Variants in RASEF observed in about 807,000 individuals in gnomAD.
RASEF encodes the protein ras and EF-hand domain-containing protein.
RASEF carries 68 observed loss-of-function variants against 90.1 expected under a neutral mutation model. That is an observed-to-expected ratio of 0.75 (90% CI 0.62 to 0.92). The LOEUF (loss-of-function observed/expected upper bound fraction) is 0.92, where lower values mean the gene tolerates loss of function less well. Among genes scored for constraint, RASEF ranks in the 40% least tolerant of loss-of-function variants. RASEF has a pLI of 0.00. For synonymous variants in RASEF, 331 were observed against 345.2 expected (o/e 0.96, Z 0.46); for missense variants, 949 against 937.2 (o/e 1.01, Z -0.16).
At chr9:83,214,903 C>G in the RASEF span, among the ~76,000 whole-genome samples, 6 of 151,970 alleles carry the variant, frequency 3.9e-5, no homozygotes, top group Non-Finnish European at 8.8e-5. Flanking sequence ...CAGCCCTAAA[C>G]AAGGATAGGC....
intron 1 of RASEF, among the ~76,000 whole-genome samples, chr9:83,044,614 T>C (rs1259641465): frequency 6.6e-6 from 1 of 152,190 alleles, no homozygotes; most frequent in Non-Finnish European, 1.5e-5. Flanking sequence ...TATAGGAATT[T>C]TTCCTGATTC....
the RASEF span, among the ~76,000 whole-genome samples, chr9:83,131,513 AGCT>A: frequency 1.3e-5 from 2 of 152,212 alleles, no homozygotes; most frequent in African/African-American, 4.8e-5. Context: ...AAAAATAGAA[AGCT>A]TATTGATAAG....
the RASEF span, among the ~76,000 whole-genome samples, chr9:83,154,396 C>T: frequency 6.6e-6 from 1 of 152,174 alleles, no homozygotes; most frequent in Non-Finnish European, 1.5e-5. Flanking sequence ...TTCTTCCCAG[C>T]ACTGAAAGTA....
chr9:83,114,517 C>T, the RASEF span, among the ~76,000 whole-genome samples: 109 of 152,238 alleles, frequency 7.2e-4, 1 homozygote, highest in Non-Finnish European at 1.2e-3. Flanking sequence ...GTGAGCTGGG[C>T]GGAACAGAGC....
chr9:83,066,441 G>T (rs970744830), upstream of RASEF, among the ~76,000 whole-genome samples: 1 of 152,288 alleles, frequency 6.6e-6, no homozygotes, highest in Admixed American at 6.5e-5. Flanking sequence ...GGAAAGCCAC[G>T]GTCATATAAT....
intron 8 of RASEF, among the ~76,000 whole-genome samples, chr9:83,004,860 C>T (rs1488317100): frequency 1.3e-5 from 2 of 152,156 alleles, no homozygotes; most frequent in African/African-American, 4.8e-5. Context: ...TATGGTTCCC[C>T]ACTTTGCCAG....
chr9:83,000,093 T>C, intron 12 of RASEF, 76 bp downstream of exon 12: 1 of 1,332,506 alleles, frequency 7.5e-7, no homozygotes, highest in African/African-American at 1.5e-5. Flanking sequence ...AGCATCTGTG[T>C]ATGTAATCCC....
the RASEF span, among the ~76,000 whole-genome samples, chr9:83,194,868 G>A: frequency 1.7e-4 from 26 of 152,048 alleles, no homozygotes; most frequent in Non-Finnish European, 2.4e-4. Context: ...CCATTCTTTT[G>A]CTCTTTGAGC....
the RASEF span, among the ~76,000 whole-genome samples, chr9:83,217,469 G>A: frequency 0.55 from 84,338 of 151,970 alleles, 24,015 homozygotes; most frequent in Middle Eastern, 0.64. Context: ...TAATCCCCAC[G>A]TCATGGGAGG....
chr9:83,153,194 A>T, the RASEF span, among the ~76,000 whole-genome samples: 1 of 152,104 alleles, frequency 6.6e-6, no homozygotes, highest in Admixed American at 6.6e-5. Flanking sequence ...TACATTATTA[A>T]CATCACCACT....
the RASEF span, among the ~76,000 whole-genome samples, chr9:83,104,819 T>C: frequency 6.6e-6 from 1 of 152,220 alleles, no homozygotes; most frequent in Non-Finnish European, 1.5e-5. Flanking sequence ...AACATTTAAC[T>C]GCTGAAACTG....
chr9:82,988,119 A>C (rs1360790903), intron 16 of RASEF, among the ~76,000 whole-genome samples: 1 of 152,252 alleles, frequency 6.6e-6, no homozygotes, highest in East Asian at 1.9e-4. Context: ...CTTATGAATG[A>C]AACACCAACA....
intron 1 of RASEF, among the ~76,000 whole-genome samples, chr9:83,034,468 G>A (rs1829703781): frequency 6.6e-6 from 1 of 152,142 alleles, no homozygotes; most frequent in Non-Finnish European, 1.5e-5. Flanking sequence ...ACTTACCTAA[G>A]TATCTATTTT....
the RASEF span, among the ~76,000 whole-genome samples, chr9:83,190,845 T>C: frequency 1.3e-5 from 2 of 152,184 alleles, no homozygotes; most frequent in African/African-American, 4.8e-5. Context: ...ACACAATTCA[T>C]AGACTCAGCC....
At chr9:83,156,346 A>G in the RASEF span, among the ~76,000 whole-genome samples, 269 of 152,314 alleles carry the variant, frequency 1.8e-3, 1 homozygote, top group African/African-American at 6.1e-3. Flanking sequence ...TCTCTGAAGT[A>G]TGAGCACTGT....
At chr9:83,145,542 A>G in the RASEF span, among the ~76,000 whole-genome samples, 1 of 152,062 alleles carries the variant, frequency 6.6e-6, no homozygotes, top group Non-Finnish European at 1.5e-5. Flanking sequence ...TATCATTTTA[A>G]CCTGTCTTAC....
At chr9:83,190,826 G>GA in the RASEF span, among the ~76,000 whole-genome samples, 11,198 of 152,064 alleles carry the variant, frequency 0.074, 685 homozygotes, top group Admixed American at 0.14. Context: ...CCTGGTTTTG[G>GA]AAAAAAAGAC....
the RASEF span, among the ~76,000 whole-genome samples, chr9:83,079,879 T>C: frequency 6.6e-6 from 1 of 151,900 alleles, no homozygotes; most frequent in Admixed American, 6.6e-5. Flanking sequence ...AGCTAAACTA[T>C]GTTAACAGCC....
chr9:83,100,556 T>C, the RASEF span, among the ~76,000 whole-genome samples: 1 of 152,252 alleles, frequency 6.6e-6, no homozygotes, highest in Non-Finnish European at 1.5e-5. Context: ...CTCATTGTCA[T>C]ATCATTTTTA....
Sources: gnomAD v4.1 joint callset for allele counts (sites outside exome capture counted in the v4.1 genomes callset) on GRCh38, gnomAD v4.1.1 for gene constraint, MANE v1.5 for transcripts, NCBI Gene and HGNC (gene_info 2026-07-23, HGNC 2026-07-21) for gene names.